Variants in SVIL observed in about 807,000 individuals in gnomAD.
SVIL encodes archvillin.
In SVIL, 101 loss-of-function variants were observed where a neutral mutation model predicts 240.4. The ratio of observed to expected loss-of-function variants is 0.42; its 90% CI spans 0.36 to 0.50. SVIL has a LOEUF of 0.50. Ranked by LOEUF, SVIL falls within the 20% of genes least tolerant of loss-of-function variation. The pLI, the probability that SVIL is intolerant of heterozygous loss-of-function variation, is 0.01. For missense variants in SVIL, 2,512 were observed against 2,818.7 expected, an observed-to-expected ratio of 0.89 and a Z score of 2.46; for synonymous variants, 999 against 1,100.0, an observed-to-expected ratio of 0.91 and a Z score of 1.82.
Position 29,522,403 on chromosome 10 carries a change from T to G in SVIL, c.3389+7A>C. 10 of 1,613,974 alleles carry G rather than the reference T, an allele frequency of 6.2e-6. No individual in the cohort carries two copies. The highest frequency in any genetic ancestry group is 8.5e-6 in the Non-Finnish European group (10 of 1,179,966). The stretch of plus-strand genomic sequence containing the variant: ...AGAATTACTTTTCGCTCACCGAATC[T>G]CATTACCTTTCTTTAATAGACATGG... On this transcript the variant is annotated splice_region_variant and intron_variant, in intron 16 of 37. Transcript: ENST00000355867.
rs759737607 is a variant in SVIL at position 29,462,392 on chromosome 10, A to C, written c.6287T>G (p.Leu2096Arg). The stretch of plus-strand genomic sequence containing the variant: ...GTAAGACTTGGGGGCTGGTTTCTTG[A>C]GATTTTTTCCTGTAGTTACACAGAT... ...TVLQYCKGKNLKKPAPKSYLI... is the reference protein window; with the variant it reads ...TVLQYCKGKNRKKPAPKSYLI... Residue 2096 changes from leucine (L) to arginine (R), a missense_variant, in exon 36 of 38, where the codon CTC (leucine) becomes CGC (arginine). Physicochemically the swap from Leu to Arg is moderately radical, Grantham distance 102 (BLOSUM62 -2). Around this residue, in one of 3 missense-constraint regions of SVIL, gnomAD observed 797 missense variants for 925.3 expected, o/e 0.86. Transcript: ENST00000355867. 16 of 1,614,056 alleles carry C rather than the reference A, an allele frequency of 9.9e-6. No individual in the cohort carries two copies. Among genetic ancestry groups the C allele is most frequent in the Non-Finnish European group, 1.4e-5 (16 of 1,179,992 alleles).
At chr10:29,489,282 G>T (rs1017959125) in intron 22 of SVIL, among the ~76,000 whole-genome samples, 11 of 152,192 alleles carry the variant, frequency 7.2e-5, no homozygotes, top group African/African-American at 2.4e-4. Context: ...TTAGAGTTAA[G>T]ACTGTAGTTA....
At position 29,568,026 on chromosome 10, in the gene SVIL, A is replaced by AC. The variant is rs1362972004; in HGVS notation, c.-143+1228_-143+1229insG. ...AGAGAGACTCCGTCTCAAAAAAAAA[A>AC]ACAAAAAAAAAAACAAAAACAGAAA... On this transcript the variant is annotated intron_variant, in intron 2 of 37. Transcript: ENST00000355867. Among the ~76,000 whole-genome samples the AC allele has an allele frequency of 1.0e-4, 13 of 129,828 alleles. No homozygotes were observed. In the South Asian group the frequency reaches 1.5e-3, roughly 15 times the overall value. The allele number at this position is 129,828 out of a possible 152,430, so 85.2% of individuals were successfully genotyped here.
At chr10:29,580,508 C>A (rs962702813) in intron 1 of SVIL, among the ~76,000 whole-genome samples, 1 of 152,118 alleles carries the variant, frequency 6.6e-6, no homozygotes, top group Non-Finnish European at 1.5e-5. Flanking sequence ...CAAGGAACTC[C>A]GTATTGAAAA....
At chr10:29,676,486 G>A (rs1960215983) in intron 2 of SVIL, among the ~76,000 whole-genome samples, 1 of 152,182 alleles carries the variant, frequency 6.6e-6, no homozygotes, top group Non-Finnish European at 1.5e-5. Context: ...CCCCAATGCA[G>A]AGAGCTTACA....
chr10:29,655,637 C>T (rs1208548944), intron 3 of SVIL, among the ~76,000 whole-genome samples: 1 of 152,156 alleles, frequency 6.6e-6, no homozygotes, highest in Non-Finnish European at 1.5e-5. Context: ...CTAAGCCTCC[C>T]TTAGTCCAAT....
chr10:29,513,929 T>C (rs558887354), intron 16 of SVIL, among the ~76,000 whole-genome samples: 1 of 146,396 alleles, frequency 6.8e-6, no homozygotes, highest in South Asian at 2.1e-4. Context: ...ATTGCATGAA[T>C]GAAGAAATCT....
At chr10:29,656,497 G>A (rs1959010816) in intron 3 of SVIL, among the ~76,000 whole-genome samples, 1 of 151,544 alleles carries the variant, frequency 6.6e-6, no homozygotes, top group Non-Finnish European at 1.5e-5. Context: ...CATAGAAATT[G>A]AACTTTCTGG....
chr10:29,544,612 C>T (rs1952466116), intron 6 of SVIL, among the ~76,000 whole-genome samples: 1 of 151,776 alleles, frequency 6.6e-6, no homozygotes, highest in Admixed American at 6.6e-5. Context: ...AAAAATTAGC[C>T]AGGCATAGTG....
At chr10:29,658,560 C>A (rs1959071468) in intron 2 of SVIL, among the ~76,000 whole-genome samples, 1 of 152,130 alleles carries the variant, frequency 6.6e-6, no homozygotes, top group African/African-American at 2.4e-5. Context: ...AGTTCAAGAC[C>A]AGTCTGCAAC....
chr10:29,547,942 C>T (rs1170606589), intron 6 of SVIL, among the ~76,000 whole-genome samples: 1 of 152,130 alleles, frequency 6.6e-6, no homozygotes, highest in African/African-American at 2.4e-5. Context: ...AGTAACTAAA[C>T]CAAGAACGTG....
chr10:29,592,360 C>G (rs1396705249), intron 1 of SVIL, among the ~76,000 whole-genome samples: 1 of 152,070 alleles, frequency 6.6e-6, no homozygotes, highest in Non-Finnish European at 1.5e-5. Context: ...TACCTATTTC[C>G]GAATAAGAAA....
intron 1 of SVIL, among the ~76,000 whole-genome samples, chr10:29,574,477 C>A (rs1812447773): frequency 1.3e-5 from 2 of 152,152 alleles, no homozygotes; most frequent in African/African-American, 4.8e-5. Context: ...GATGCTGACA[C>A]CCCACAGTGA....
chr10:29,554,809 G>C lies in SVIL; in HGVS notation c.134C>G (p.Ala45Gly). The change falls in exon 5 of 38, where the codon GCC becomes GGC. Residue 45 changes from alanine to glycine, a missense_variant. Transcript: ENST00000355867. ...GATGTGGGGGCTGGCAGGGTCGCTG[G>C]CTCTCATGTATCGAGGGGTGTCTTC... ...LEEDTPRYMRASDPASPHIGR... is the reference protein window; with the variant it reads ...LEEDTPRYMRGSDPASPHIGR... 1 of 1,608,922 alleles carries C rather than the reference G, an allele frequency of 6.2e-7. No homozygotes were observed. Among genetic ancestry groups the C allele is most frequent in the Non-Finnish European group, 8.5e-7 (1 of 1,177,688 alleles).
At chr10:29,627,308 C>T (rs1243794612) in intron 1 of SVIL, among the ~76,000 whole-genome samples, 2 of 152,078 alleles carry the variant, frequency 1.3e-5, no homozygotes, top group Non-Finnish European at 2.9e-5. Flanking sequence ...ATTACAGAAT[C>T]CCAATACGTA....
At chr10:29,564,371 G>A (rs781270948) in intron 2 of SVIL, among the ~76,000 whole-genome samples, 1 of 152,154 alleles carries the variant, frequency 6.6e-6, no homozygotes, top group African/African-American at 2.4e-5. Flanking sequence ...CCAACTCCAT[G>A]GTCTTTGATG....
intron 2 of SVIL, among the ~76,000 whole-genome samples, chr10:29,666,636 T>C (rs759262352): frequency 1.3e-5 from 2 of 152,180 alleles, no homozygotes; most frequent in Non-Finnish European, 2.9e-5. Flanking sequence ...AGATGTGCAC[T>C]TAGCATCTCC....
Position 29,532,152 on chromosome 10 carries a change from G to A in SVIL, c.1859C>T (p.Ser620Leu), listed in dbSNP as rs143918159. 5.3e-5 allele frequency: 85 copies of A among 1,613,884 alleles called. No individual in the cohort carries two copies. In the African/African-American group the frequency reaches 9.7e-4, roughly 18 times the overall value. The stretch of plus-strand genomic sequence containing the variant: ...GGTGGGCAAGCCAGGTCCTTCAGCC[G>A]ACCTCTCCACCCGTGATTTGCTTTG... ...RPELKSRVER[S>L]AEGPGLPTGV... Residue 620 changes from serine to leucine, a missense_variant, in exon 9 of 38, where the codon TCG becomes TTG. Physicochemically the swap from Ser to Leu is moderately radical, Grantham distance 145. Transcript: ENST00000355867.
rs545789539 is a variant in SVIL, at chr10:29,625,653, G to A, written c.-201+8767C>T. ...AATTTTTTGTATTTTTAGTAGAGAC[G>A]AGGTTTCACCATGTTATCCAGGATG... On this transcript the variant is annotated intron_variant, in intron 1 of 37. Coordinates refer to ENST00000355867, the MANE Select transcript of SVIL (RefSeq NM_021738.3). Among the ~76,000 whole-genome samples, 64 of 152,176 alleles carry A rather than the reference G, an allele frequency of 4.2e-4. 1 individual carries two copies. Among genetic ancestry groups the A allele is most frequent in the African/African-American group, 1.5e-3 (62 of 41,518 alleles).
Sources: allele counts gnomAD v4.1 joint callset (sites outside exome capture counted in the v4.1 genomes callset), GRCh38; gene constraint gnomAD v4.1.1; regional missense constraint gnomAD v4.1.1; transcripts MANE v1.5; gene names NCBI Gene and HGNC (gene_info 2026-07-23, HGNC 2026-07-21).